Variants in LRRC37A2 observed in about 807,000 individuals in gnomAD.
LRRC37A2 encodes the protein leucine-rich repeat-containing protein 37A2.
In LRRC37A2, 9 loss-of-function variants were observed where a neutral mutation model predicts 68.8. The ratio of observed to expected loss-of-function variants is 0.13; its 90% CI spans 0.08 to 0.23. The LOEUF (loss-of-function observed/expected upper bound fraction) is 0.23, where lower values mean the gene tolerates loss of function less well. Among genes scored for constraint, LRRC37A2 ranks in the 10% least tolerant of loss-of-function variants. The pLI is 1.00. For missense variants in LRRC37A2, 168 were observed against 950.4 expected (o/e 0.18, Z 10.82); for synonymous variants, 63 against 367.6 (o/e 0.17, Z 9.48).
chr17:46,805,754 C>G, the LRRC37A2 span, among the ~76,000 whole-genome samples: 1 of 152,048 alleles, frequency 6.6e-6, no homozygotes, highest in African/African-American at 2.4e-5. Context: ...CTGTCTCAAA[C>G]CAAACCAAAC....
At chr17:46,916,427 A>G in the LRRC37A2 span, among the ~76,000 whole-genome samples, 1 of 152,198 alleles carries the variant, frequency 6.6e-6, no homozygotes, top group African/African-American at 2.4e-5. Context: ...GAAAGAAATC[A>G]CCTTCTAGGA....
chr17:46,822,798 G>T, the LRRC37A2 span, among the ~76,000 whole-genome samples: 2 of 152,072 alleles, frequency 1.3e-5, no homozygotes, highest in Admixed American at 1.3e-4. Flanking sequence ...GCGCACTGGG[G>T]CACCGCCAGA....
the LRRC37A2 span, among the ~76,000 whole-genome samples, chr17:46,909,510 T>C: frequency 6.6e-6 from 1 of 152,234 alleles, no homozygotes; most frequent in Non-Finnish European, 1.5e-5. Flanking sequence ...TTTACCTTTT[T>C]CTGTACTGTC....
At chr17:46,737,154 C>G in the LRRC37A2 span, among the ~76,000 whole-genome samples, 1 of 152,162 alleles carries the variant, frequency 6.6e-6, no homozygotes, top group African/African-American at 2.4e-5. Context: ...TACCTGCCCT[C>G]AGATGGCTCA....
chr17:46,979,197 C>T, the LRRC37A2 span: 1 of 499,274 alleles, frequency 2.0e-6, no homozygotes, highest in Non-Finnish European at 3.3e-6. Flanking sequence ...CGGGAAGCGA[C>T]CGCCCGGAGG....
chr17:46,965,092 A>G, the LRRC37A2 span: 4 of 152,194 alleles, frequency 2.6e-5, no homozygotes, highest in Non-Finnish European at 4.4e-5. Context: ...TTAATATAAA[A>G]TCACATTTTT....
chr17:46,863,281 C>T, the LRRC37A2 span, among the ~76,000 whole-genome samples: 3 of 152,204 alleles, frequency 2.0e-5, no homozygotes, highest in Non-Finnish European at 4.4e-5. Context: ...TGAGGGACAG[C>T]CCCGAACTGC....
At chr17:46,723,587 G>T in the LRRC37A2 span, among the ~76,000 whole-genome samples, 2 of 152,048 alleles carry the variant, frequency 1.3e-5, no homozygotes, top group Admixed American at 1.3e-4. Flanking sequence ...TTCCCTTCTT[G>T]CTCTTTAAAT....
the LRRC37A2 span, among the ~76,000 whole-genome samples, chr17:46,808,392 T>C: frequency 6.6e-6 from 1 of 152,226 alleles, no homozygotes; most frequent in Non-Finnish European, 1.5e-5. Flanking sequence ...AGGTCAAGTG[T>C]AAACTTGTCT....
At chr17:46,769,882 G>C in the LRRC37A2 span, 1 of 1,613,524 alleles carries the variant, frequency 6.2e-7, no homozygotes, top group African/African-American at 1.3e-5. Flanking sequence ...ACACGCCGAA[G>C]TCAGCGTCCT....
chr17:46,673,910 G>GTGTGTGTGT, the LRRC37A2 span, among the ~76,000 whole-genome samples: 1 of 6,984 alleles, frequency 1.4e-4, no homozygotes, highest in African/African-American at 2.6e-4. Flanking sequence ...ATTCCATGGG[G>GTGTGTGTGT]GTGTGTGTGT....
the LRRC37A2 span, among the ~76,000 whole-genome samples, chr17:47,045,237 CAT>C: frequency 1.4e-5 from 2 of 140,168 alleles, no homozygotes; most frequent in Non-Finnish European, 3.1e-5. Context: ...ACTCCCAATT[CAT>C]AGACTTCTTG....
At chr17:47,004,555 C>G in the LRRC37A2 span, among the ~76,000 whole-genome samples, 17,407 of 152,252 alleles carry the variant, frequency 0.11, 1,102 homozygotes, top group South Asian at 0.22. Context: ...GAGACAGGGT[C>G]TTGCTCTGTC....
intron 6 of LRRC37A2, among the ~76,000 whole-genome samples, chr17:46,533,658 C>T (rs1181930222): frequency 3.0e-5 from 2 of 66,652 alleles, no homozygotes; most frequent in Admixed American, 3.3e-4. Context: ...CGTAACACCA[C>T]ACCCAGCTAA....
At chr17:46,798,654 C>A in the LRRC37A2 span, among the ~76,000 whole-genome samples, 3 of 152,164 alleles carry the variant, frequency 2.0e-5, no homozygotes. Context: ...CTTCCAGCCA[C>A]ACTCACTCAC....
chr17:46,985,245 T>G, the LRRC37A2 span, among the ~76,000 whole-genome samples: 3 of 152,278 alleles, frequency 2.0e-5, no homozygotes, highest in Admixed American at 2.0e-4. Flanking sequence ...ACCCAGGCAG[T>G]TCAGGCCAAC....
At chr17:46,695,194 T>C in the LRRC37A2 span, among the ~76,000 whole-genome samples, 10 of 119,948 alleles carry the variant, frequency 8.3e-5, no homozygotes, top group African/African-American at 3.5e-4. Context: ...TGAAGTGAGC[T>C]GAGATTGCGC....
the LRRC37A2 span, chr17:46,721,588 T>C: frequency 2.6e-6 from 4 of 1,550,844 alleles, no homozygotes; most frequent in Admixed American, 5.0e-5. Flanking sequence ...TTGTTTACAA[T>C]TGAAACTCTG....
the LRRC37A2 span, among the ~76,000 whole-genome samples, chr17:46,944,896 G>A: frequency 2.6e-5 from 4 of 152,240 alleles, no homozygotes; most frequent in African/African-American, 4.8e-5. Flanking sequence ...CACCGCAGCC[G>A]GCCTTAATTT....
Sources: gnomAD v4.1 joint callset for allele counts (sites outside exome capture counted in the v4.1 genomes callset) on GRCh38, gnomAD v4.1.1 for gene constraint, MANE v1.5 for transcripts, NCBI Gene and HGNC (gene_info 2026-07-23, HGNC 2026-07-21) for gene names.